The following P3H2 variants were observed in gnomAD, a reference collection of about 807,000 sequenced individuals.
P3H2 encodes leprecan-like 1.
In P3H2, 80 loss-of-function variants were observed where a neutral mutation model predicts 87.0. The observed-to-expected ratio is 0.92, with a 90% CI of 0.77 to 1.11. The LOEUF (loss-of-function observed/expected upper bound fraction) is 1.11. Among genes scored for constraint, P3H2 ranks in the 50% least tolerant of loss-of-function variants. P3H2 has a pLI of 0.00. For missense variants in P3H2, 1,001 were observed against 923.9 expected (o/e 1.08, Z -1.08); for synonymous variants, 367 against 359.3 (o/e 1.02, Z -0.24).
In P3H2 at chr3:190,120,291, G is replaced by A; in HGVS notation, c.441C>T (p.Arg147=). 6.2e-7 allele frequency: 1 copy of A among 1,610,538 alleles called. No homozygotes were observed. Among genetic ancestry groups the A allele is most frequent in the Non-Finnish European group, 8.5e-7 (1 of 1,179,256 alleles). Residue 147 remains arginine, a synonymous_variant, in exon 1 of 15, where the codon CGC becomes CGT. Transcript: ENST00000319332. ...VSEDVRSDFQ[R]RVPYNYLQRA... ...GCTGCAGGTAGTTGTAGGGCACTCTGCGCTGGAAGTCGCTGCGCACATCCT... is the reference window on the plus strand; with the variant it reads ...GCTGCAGGTAGTTGTAGGGCACTCTACGCTGGAAGTCGCTGCGCACATCCT...
intron 1 of P3H2, among the ~76,000 whole-genome samples, chr3:190,103,026 C>A (rs927742760): frequency 1.3e-5 from 2 of 152,132 alleles, no homozygotes; most frequent in Non-Finnish European, 2.9e-5. Context: ...AAGGTATGTA[C>A]ATTGTTTTTT....
chr3:189,996,741 ATG>A (rs10535297), intron 1 of P3H2, among the ~76,000 whole-genome samples: 70,930 of 151,840 alleles, frequency 0.47, 16,580 homozygotes, highest in Admixed American at 0.48. Flanking sequence ...TATACTTATT[ATG>A]TGTCAATTAA....
chr3:190,106,206 C>CA (rs757609718), intron 1 of P3H2, among the ~76,000 whole-genome samples: 14 of 152,074 alleles, frequency 9.2e-5, no homozygotes, highest in Middle Eastern at 3.2e-3. Context: ...ATTGTGAAAT[C>CA]AGAGAATGGG....
At chr3:189,973,549 C>A (rs1723250450) in intron 10 of P3H2, among the ~76,000 whole-genome samples, 1 of 119,470 alleles carries the variant, frequency 8.4e-6, no homozygotes, top group Non-Finnish European at 1.6e-5. Flanking sequence ...AAGACGGAGT[C>A]TCGCTCTCGC....
Position 190,073,761 on chromosome 3 carries a change from C to T in P3H2, c.480+46491G>A, listed in dbSNP as rs971811349. Among the ~76,000 whole-genome samples, 7 of 152,276 alleles carry T rather than the reference C, an allele frequency of 4.6e-5. No individual in the cohort carries two copies. In the East Asian group the frequency reaches 1.2e-3, roughly 25 times the overall value. Reference sequence around the variant, plus strand: ...ATGTATGCTTTTAAAAGAAGAGATGCTTGCAATAATGGAAATGATTCAACT... The same window carrying T: ...ATGTATGCTTTTAAAAGAAGAGATGTTTGCAATAATGGAAATGATTCAACT... On this transcript the variant is annotated intron_variant, in intron 1 of 14. Coordinates refer to ENST00000319332, the MANE Select transcript of P3H2 (RefSeq NM_018192.4).
intron 1 of P3H2, among the ~76,000 whole-genome samples, chr3:190,015,354 A>G (rs940428429): frequency 2.6e-5 from 4 of 152,192 alleles, no homozygotes; most frequent in Non-Finnish European, 5.9e-5. Flanking sequence ...TAAATAGTAT[A>G]ATCTGCTTAA....
chr3:190,029,943 A>C (rs947242666), intron 1 of P3H2, among the ~76,000 whole-genome samples: 5 of 151,880 alleles, frequency 3.3e-5, no homozygotes, highest in African/African-American at 1.2e-4. Flanking sequence ...CAGAGGTTGC[A>C]GTGAGCCAAG....
chr3:190,064,345 C>T (rs1177788001), intron 1 of P3H2, among the ~76,000 whole-genome samples: 1 of 151,844 alleles, frequency 6.6e-6, no homozygotes, highest in East Asian at 1.9e-4. Flanking sequence ...AAATTCTTGG[C>T]TACACTTCAG....
chr3:190,074,743 T>C (rs1560389680), intron 1 of P3H2, among the ~76,000 whole-genome samples: 1 of 152,208 alleles, frequency 6.6e-6, no homozygotes, highest in East Asian at 1.9e-4. Flanking sequence ...ATCTGTCTTT[T>C]GATTTTCAAC....
At chr3:189,964,233 A>G (rs1313749214) in intron 13 of P3H2, 135 bp from the exon 14 acceptor site, 1 of 814,462 alleles carries the variant, frequency 1.2e-6, no homozygotes, top group South Asian at 1.4e-5. Flanking sequence ...ATTGAAGATG[A>G]TGTAAATTAT....
At chr3:190,024,873 A>T (rs1206347068) in intron 1 of P3H2, among the ~76,000 whole-genome samples, 1 of 152,204 alleles carries the variant, frequency 6.6e-6, no homozygotes, top group Non-Finnish European at 1.5e-5. Context: ...TTACCTACAC[A>T]TGATCATAAA....
At chr3:190,106,940 A>G (rs1052345430) in intron 1 of P3H2, among the ~76,000 whole-genome samples, 2 of 152,222 alleles carry the variant, frequency 1.3e-5, no homozygotes, top group African/African-American at 4.8e-5. Flanking sequence ...GGTACACAGT[A>G]ATAGTCAATA....
intron 1 of P3H2, among the ~76,000 whole-genome samples, chr3:190,110,628 T>C (rs1712035713): frequency 6.6e-6 from 1 of 152,240 alleles, no homozygotes; most frequent in Non-Finnish European, 1.5e-5. Flanking sequence ...TATGGTCTAC[T>C]GGATTAGTCT....
In P3H2 at chr3:189,957,081, T is replaced by C. The variant is rs1722656038; in HGVS notation, c.*831A>G. 2.5e-6 allele frequency: 1 copy of C among 398,572 alleles called. No homozygotes were observed. The highest frequency in any genetic ancestry group is 4.4e-5 in the Admixed American group (1 of 22,712). The allele number at this position is 398,572 out of a possible 1,614,324, so 24.7% of individuals were successfully genotyped here. A position where few individuals can be genotyped will look rare whatever the true frequency, so the allele number is the denominator to read the frequency against. On this transcript the variant is annotated 3_prime_UTR_variant, in exon 15 of 15. Coordinates refer to ENST00000319332, the MANE Select transcript of P3H2 (RefSeq NM_018192.4). ...AATCAAAGCTTCCAGTGTAAGTTTATTGTCTGGCGAAAACACCAGAGCCAA... is the reference window on the plus strand; with the variant it reads ...AATCAAAGCTTCCAGTGTAAGTTTACTGTCTGGCGAAAACACCAGAGCCAA...
Position 190,007,965 on chromosome 3 carries a change from C to CACACATATATATATATATATAT in P3H2, c.481-12524_481-12523insATATATATATATATATATGTGT. ...GCCTGAGACTCTATTTGTTGACACA[C>CACACATATATATATATATATAT]ATATATATATATATATATATAGTAA... On this transcript the variant is annotated intron_variant, in intron 1 of 14. Coordinates refer to ENST00000319332, the MANE Select transcript of P3H2 (RefSeq NM_018192.4). Among the ~76,000 whole-genome samples, 6 of 94,354 alleles carry CACACATATATATATATATATAT rather than the reference C, an allele frequency of 6.4e-5. 1 individual carries two copies. The highest frequency in any genetic ancestry group is 2.3e-4 in the African/African-American group (6 of 25,630). 61.9% of individuals were successfully genotyped at this position (94,354 alleles called of 152,430 possible).
intron 1 of P3H2, among the ~76,000 whole-genome samples, chr3:190,113,191 T>C (rs1372408292): frequency 6.6e-6 from 1 of 152,012 alleles, no homozygotes; most frequent in Admixed American, 6.5e-5. Flanking sequence ...CTGGAAAGAG[T>C]AGGAGACTGG....
intron 1 of P3H2, among the ~76,000 whole-genome samples, chr3:190,074,410 C>T (rs558936582): frequency 2.9e-4 from 44 of 152,224 alleles, no homozygotes; most frequent in African/African-American, 1.0e-3. Flanking sequence ...ACTCCAGAAG[C>T]TGAGGCAGGA....
At chr3:189,973,269 A>G (rs1723232834) in intron 10 of P3H2, 1 of 480,968 alleles carries the variant, frequency 2.1e-6, no homozygotes, top group Non-Finnish European at 3.7e-6. Flanking sequence ...ATGTTCTACC[A>G]TCCTCTCTAA....
At chr3:190,073,455 G>A (rs747485789) in intron 1 of P3H2, among the ~76,000 whole-genome samples, 53 of 152,128 alleles carry the variant, frequency 3.5e-4, no homozygotes, top group Non-Finnish European at 4.9e-4. Context: ...GCTTCCGGGC[G>A]ATTCTGAGCT....
Sources: gnomAD v4.1 joint callset for allele counts (sites outside exome capture counted in the v4.1 genomes callset) on GRCh38, gnomAD v4.1.1 for gene constraint, MANE v1.5 for transcripts, NCBI Gene and HGNC (gene_info 2026-07-23, HGNC 2026-07-21) for gene names.